The following EPN2 variants were observed in gnomAD, a reference collection of about 807,000 sequenced individuals.
EPN2 encodes the protein epsin-2.
Under a neutral mutation model 61.7 loss-of-function variants are expected in EPN2, and 34 were observed. The ratio of observed to expected loss-of-function variants is 0.55; its 90% CI spans 0.42 to 0.73. The LOEUF is 0.73. Among genes scored for constraint, EPN2 ranks in the 30% least tolerant of loss-of-function variants. The pLI, the probability that EPN2 is intolerant of heterozygous loss-of-function variation, is 0.00. For synonymous variants in EPN2, 349 were observed against 353.6 expected, an observed-to-expected ratio of 0.99 and a Z score of 0.15; for missense variants, 714 against 839.2, an observed-to-expected ratio of 0.85 and a Z score of 1.84.
chr17:19,291,212 A>G (rs2045461089), intron 4 of EPN2, among the ~76,000 whole-genome samples: 3 of 152,246 alleles, frequency 2.0e-5, no homozygotes. Context: ...GATACTGTGC[A>G]GCTGGGAAGG....
At chr17:19,240,270 G>A (rs897920855) in intron 1 of EPN2, among the ~76,000 whole-genome samples, 2 of 151,700 alleles carry the variant, frequency 1.3e-5, no homozygotes, top group African/African-American at 4.8e-5. Context: ...TTTTGAGATG[G>A]CGTCTCACGC....
Position 19,334,133 on chromosome 17 carries a change from T to C in EPN2, c.1805T>C (p.Leu602Pro). 6.2e-7 allele frequency: 1 copy of C among 1,605,724 alleles called. No individual in the cohort carries two copies. The highest frequency in any genetic ancestry group is 8.5e-7 in the Non-Finnish European group (1 of 1,175,894). The change falls in exon 11 of 11, where the codon CTG becomes CCG. Residue 602 changes from leucine (L) to proline (P), a missense_variant. Coordinates refer to ENST00000314728, the MANE Select transcript of EPN2 (RefSeq NM_014964.5). The surrounding 1 kb of genome is among the most constrained non-coding windows in gnomAD (Gnocchi z 4.9). ...SMTSAAPQPA[L>P]GATGSSLTPL... ...ACCTCCGCGGCCCCACAGCCAGCTC[T>C]GGGGGCCACTGGTTCCTCTCTGACA...
intron 4 of EPN2, among the ~76,000 whole-genome samples, chr17:19,299,398 G>C (rs1905359368): frequency 6.6e-6 from 1 of 152,238 alleles, no homozygotes; most frequent in Non-Finnish European, 1.5e-5. Context: ...GAGAGCTGCG[G>C]GTGGCTCAGG....
At chr17:19,255,569 T>G (rs1046799477) in intron 1 of EPN2, among the ~76,000 whole-genome samples, 1 of 147,254 alleles carries the variant, frequency 6.8e-6, no homozygotes. Flanking sequence ...AGTTTTTTTT[T>G]TTTTTTTTTT....
intron 1 of EPN2, among the ~76,000 whole-genome samples, chr17:19,270,707 G>A (rs1394890566): frequency 2.6e-5 from 4 of 152,208 alleles, no homozygotes; most frequent in Non-Finnish European, 5.9e-5. Flanking sequence ...AGCTGGAAAG[G>A]CAGGACATAA....
At chr17:19,243,191 C>T (rs1026407705) in intron 1 of EPN2, among the ~76,000 whole-genome samples, 3 of 149,924 alleles carry the variant, frequency 2.0e-5, no homozygotes, top group African/African-American at 7.4e-5. Context: ...CATTGTTTCT[C>T]ATTAGGGAGG....
At chr17:19,311,570 A>G (rs1963675880) in intron 5 of EPN2, among the ~76,000 whole-genome samples, 1 of 151,918 alleles carries the variant, frequency 6.6e-6, no homozygotes, top group African/African-American at 2.4e-5. Flanking sequence ...GCCTTAAATA[A>G]AGATAGTGAA....
intron 1 of EPN2, among the ~76,000 whole-genome samples, chr17:19,239,583 T>C (rs1198445599): frequency 6.6e-6 from 1 of 152,232 alleles, no homozygotes; most frequent in Non-Finnish European, 1.5e-5. Flanking sequence ...AATGAGATAC[T>C]GGTTATTAAA....
At chr17:19,316,743 C>T (rs1336607549) in intron 7 of EPN2, among the ~76,000 whole-genome samples, 3 of 152,234 alleles carry the variant, frequency 2.0e-5, no homozygotes, top group African/African-American at 2.4e-5. Flanking sequence ...AACAATACCA[C>T]GCTGTACCAT....
At chr17:19,270,198 A>G (rs1397551339) in intron 1 of EPN2, among the ~76,000 whole-genome samples, 5 of 152,216 alleles carry the variant, frequency 3.3e-5, no homozygotes, top group African/African-American at 1.2e-4. Flanking sequence ...CAGTGGACAC[A>G]TGTGACCTGC....
chr17:19,258,885 A>G (rs966823777), intron 1 of EPN2, among the ~76,000 whole-genome samples: 4 of 152,208 alleles, frequency 2.6e-5, no homozygotes, highest in East Asian at 1.9e-4. Context: ...CGCTGTGTCA[A>G]TGAGTCTAGC....
chr17:19,312,639 T>C (rs1287425668), intron 6 of EPN2, among the ~76,000 whole-genome samples: 11 of 152,206 alleles, frequency 7.2e-5, no homozygotes, highest in Non-Finnish European at 1.5e-5. Context: ...GCCTCCTCTG[T>C]TACAGTGCTA....
chr17:19,314,750 G>C (rs913687946), intron 7 of EPN2, among the ~76,000 whole-genome samples: 9 of 152,250 alleles, frequency 5.9e-5, no homozygotes, highest in Non-Finnish European at 1.3e-4. Flanking sequence ...TGCTCAAGAG[G>C]TTGGTTCACA....
intron 7 of EPN2, among the ~76,000 whole-genome samples, chr17:19,326,686 C>CAAA (rs36161060): frequency 0.028 from 2,119 of 76,828 alleles, 234 homozygotes; most frequent in African/African-American, 0.11. Context: ...GACTCCGTCT[C>CAAA]AAAAAAAAAA....
chr17:19,317,666 G>T (rs1395633269), intron 7 of EPN2, among the ~76,000 whole-genome samples: 1 of 152,184 alleles, frequency 6.6e-6, no homozygotes, highest in Non-Finnish European at 1.5e-5. Context: ...TCAAACCTTG[G>T]TTCCATCTTC....
intron 1 of EPN2, among the ~76,000 whole-genome samples, chr17:19,280,408 A>G (rs1188303065): frequency 1.3e-5 from 2 of 152,322 alleles, no homozygotes; most frequent in African/African-American, 2.4e-5. Context: ...ATGTTGCATC[A>G]TGAATGAAAA....
rs755359033 is a variant in EPN2, at chr17:19,331,834, A to G, written c.1412-19A>G. 5 of 1,606,938 alleles carry G rather than the reference A, an allele frequency of 3.1e-6. No homozygotes were observed. The highest frequency in any genetic ancestry group is 4.3e-6 in the Non-Finnish European group (5 of 1,173,502). On this transcript the variant is annotated intron_variant, in intron 9 of 10. Coordinates refer to ENST00000314728, the MANE Select transcript of EPN2 (RefSeq NM_014964.5). ...CTCCCTGCCACACTCACCCTGCCAT[A>G]TGTGTCCTTGTCTTGTAGCCGAATC... is the stretch of plus-strand genomic sequence containing the variant.
At chr17:19,260,558 A>C (rs1258295993) in intron 1 of EPN2, among the ~76,000 whole-genome samples, 1 of 151,038 alleles carries the variant, frequency 6.6e-6, no homozygotes, top group Non-Finnish European at 1.5e-5. Flanking sequence ...TGGCCCTGGC[A>C]TCTGAGACCT....
At position 19,311,913 on chromosome 17, in the gene EPN2, A is replaced by G. The variant is rs1216409833; in HGVS notation, c.880-139A>G. 1.9e-5 allele frequency: 13 copies of G among 690,744 alleles called. No homozygotes were observed. In the African/African-American group the frequency reaches 2.1e-4, roughly 11 times the overall value. The allele number at this position is 690,744 out of a possible 1,614,324, so 42.8% of individuals were successfully genotyped here. A position where few individuals can be genotyped will look rare whatever the true frequency, so the allele number is the denominator to read the frequency against. On this transcript the variant is annotated intron_variant, in intron 5 of 10. Transcript: ENST00000314728. ...CACACACATTTGGGATTTGAAAGTAATTGTGTTTTACAAGTAGTTTTGAAA... is the reference window on the plus strand; with the variant it reads ...CACACACATTTGGGATTTGAAAGTAGTTGTGTTTTACAAGTAGTTTTGAAA...
Sources: gnomAD v4.1 joint callset for allele counts (sites outside exome capture counted in the v4.1 genomes callset) on GRCh38, gnomAD v4.1.1 for gene constraint, Gnocchi (gnomAD v3.1) non-coding constraint, MANE v1.5 for transcripts, NCBI Gene and HGNC (gene_info 2026-07-23, HGNC 2026-07-21) for gene names.